Variants in ATP6V1H observed in about 807,000 individuals in gnomAD.
ATP6V1H encodes the protein V-type proton ATPase subunit H.
ATP6V1H carries 39 observed loss-of-function variants against 71.7 expected under a neutral mutation model. The ratio of observed to expected loss-of-function variants is 0.54; its 90% CI spans 0.42 to 0.71. ATP6V1H has a LOEUF of 0.71. Among genes scored for constraint, ATP6V1H ranks in the 30% least tolerant of loss-of-function variants. The pLI is 0.00. For synonymous variants in ATP6V1H, 192 were observed against 199.3 expected (o/e 0.96, Z 0.31); for missense variants, 509 against 594.9 (o/e 0.86, Z 1.50).
chr8:53,780,076 T>C (rs1455222288), intron 9 of ATP6V1H, among the ~76,000 whole-genome samples: 5 of 151,590 alleles, frequency 3.3e-5, no homozygotes, highest in African/African-American at 1.2e-4. Flanking sequence ...GGAGAATCAC[T>C]TGAACACAGG....
At chr8:53,807,031 C>G (rs540679144) in intron 7 of ATP6V1H, among the ~76,000 whole-genome samples, 1 of 152,306 alleles carries the variant, frequency 6.6e-6, no homozygotes, top group South Asian at 2.1e-4. Context: ...CTTCACAACT[C>G]ACCAGCTACA....
At chr8:53,740,966 TGAAG>T (rs769907281) in intron 13 of ATP6V1H, among the ~76,000 whole-genome samples, 15 of 152,260 alleles carry the variant, frequency 9.9e-5, no homozygotes, top group Middle Eastern at 6.8e-3. Context: ...AATTTCTCTA[TGAAG>T]GAAGTGTGGG....
In ATP6V1H at chr8:53,765,451, AACAACACACAC is replaced by A. The variant is rs1479452497; in HGVS notation, c.1175+4156_1175+4166del. Among the ~76,000 whole-genome samples the A allele has an allele frequency of 8.6e-3, 803 of 93,118 alleles. 33 individuals are homozygous for A. The highest frequency in any genetic ancestry group is 0.016 in the South Asian group (35 of 2,150). 61.1% of individuals were successfully genotyped at this position (93,118 alleles called of 152,430 possible). A position where few individuals can be genotyped will look rare whatever the true frequency, so the allele number is the denominator to read the frequency against. On this transcript the variant is annotated intron_variant, in intron 11 of 13. Transcript: ENST00000359530. The stretch of plus-strand genomic sequence containing the variant: ...GGGGAGGGTGGTGGACAACAACAAC[AACAACACACAC>A]ACACACACACACACACACACACACA...
chr8:53,737,636 G>A (rs1036449865), intron 13 of ATP6V1H, among the ~76,000 whole-genome samples: 2 of 152,182 alleles, frequency 1.3e-5, no homozygotes, highest in Admixed American at 6.5e-5. Flanking sequence ...TGGTCTTTTA[G>A]GAAAACCTCT....
intron 11 of ATP6V1H, among the ~76,000 whole-genome samples, chr8:53,758,847 C>T (rs1309740562): frequency 2.0e-5 from 3 of 152,224 alleles, no homozygotes; most frequent in African/African-American, 7.2e-5. Context: ...CCATAGCTGG[C>T]ACTGCAATGG....
intron 11 of ATP6V1H, among the ~76,000 whole-genome samples, chr8:53,762,790 T>C (rs1426591394): frequency 2.0e-5 from 3 of 152,280 alleles, no homozygotes; most frequent in Admixed American, 6.5e-5. Flanking sequence ...CAGTTGACCA[T>C]TGAACAGCAC....
intron 10 of ATP6V1H, among the ~76,000 whole-genome samples, chr8:53,771,695 A>T (rs1808661995): frequency 6.6e-6 from 1 of 152,152 alleles, no homozygotes. Context: ...GCTTAAAAAG[A>T]CTCTAAGAGA....
At chr8:53,742,190 C>G (rs578083133) in intron 13 of ATP6V1H, among the ~76,000 whole-genome samples, 296 of 152,278 alleles carry the variant, frequency 1.9e-3, no homozygotes, top group African/African-American at 7.1e-3. Flanking sequence ...CCTTGACCAT[C>G]CTTCATATCA....
Position 53,740,420 on chromosome 8 carries a change from G to A in ATP6V1H, c.1391+3157C>T, listed in dbSNP as rs191055240. ...AGAAAAACCCAGGGATGCAGGCAAA[G>A]TGCCGCTGCTGCTGCCTGTCACGCA... On this transcript the variant is annotated intron_variant, in intron 13 of 13. Transcript: ENST00000359530. 1.6e-4 allele frequency among the ~76,000 whole-genome samples: 24 copies of A among 152,338 alleles called. No individual in the cohort carries two copies. In the East Asian group the frequency reaches 4.2e-3, roughly 27 times the overall value.
chr8:53,755,685 C>CATATATATATAT (rs869109436), intron 12 of ATP6V1H, among the ~76,000 whole-genome samples: 1 of 24,256 alleles, frequency 4.1e-5, no homozygotes, highest in Non-Finnish European at 6.9e-5. Flanking sequence ...TACCAGCGTA[C>CATATATATATAT]ATATATATAT....
At chr8:53,739,320 A>G (rs1473247248) in intron 13 of ATP6V1H, among the ~76,000 whole-genome samples, 3 of 152,144 alleles carry the variant, frequency 2.0e-5, no homozygotes, top group Non-Finnish European at 4.4e-5. Context: ...TAATCACTGT[A>G]TTTATGGCTC....
intron 13 of ATP6V1H, among the ~76,000 whole-genome samples, chr8:53,725,302 ACCG>A (rs1806774873): frequency 6.6e-6 from 1 of 152,148 alleles, no homozygotes; most frequent in Admixed American, 6.5e-5. Context: ...CGCCTGTGCC[ACCG>A]TGGGACTCTA....
At chr8:53,773,257 T>C (rs1808740620) in intron 9 of ATP6V1H, among the ~76,000 whole-genome samples, 1 of 152,196 alleles carries the variant, frequency 6.6e-6, no homozygotes, top group Non-Finnish European at 1.5e-5. Context: ...TTATTATGAA[T>C]AGATAATGAA....
rs539191448 is a variant in ATP6V1H, at chr8:53,827,595, G to T, written c.306+1849C>A. ...ACTCCAGGTAAAAGACTTGTTTTTT[G>T]TGTGTATGTGTTTTTTTCAACTCGT... On this transcript the variant is annotated intron_variant, in intron 4 of 13. Coordinates refer to ENST00000359530, the MANE Select transcript of ATP6V1H (RefSeq NM_015941.4). 9.2e-5 allele frequency among the ~76,000 whole-genome samples: 14 copies of T among 152,074 alleles called. No individual in the cohort carries two copies. The East Asian group carries it at 2.3e-3, about 25-fold the overall frequency.
intron 2 of ATP6V1H, among the ~76,000 whole-genome samples, chr8:53,833,379 T>C (rs941323841): frequency 6.6e-6 from 1 of 152,194 alleles, no homozygotes; most frequent in Non-Finnish European, 1.5e-5. Context: ...TAGTAGCATG[T>C]GGCAAATGGT....
At chr8:53,756,723 G>T in intron 11 of ATP6V1H, 67 bp from the exon 12 acceptor site, 2 of 941,492 alleles carry the variant, frequency 2.1e-6, no homozygotes, top group Non-Finnish European at 3.3e-6. Context: ...CAGAGCACAG[G>T]TATAATGAAG....
intron 13 of ATP6V1H, among the ~76,000 whole-genome samples, chr8:53,719,196 A>T (rs1806532702): frequency 6.6e-6 from 1 of 151,996 alleles, no homozygotes; most frequent in South Asian, 2.1e-4. Flanking sequence ...TTAGAGACTG[A>T]GTCTCACTTT....
chr8:53,842,028 G>C (rs965549515), intron 1 of ATP6V1H, among the ~76,000 whole-genome samples: 5 of 152,064 alleles, frequency 3.3e-5, no homozygotes, highest in Middle Eastern at 3.4e-3. Context: ...AAATAGAATA[G>C]GTATAAATAT....
intron 9 of ATP6V1H, among the ~76,000 whole-genome samples, chr8:53,782,343 G>T (rs941886913): frequency 6.6e-6 from 1 of 151,892 alleles, no homozygotes; most frequent in Non-Finnish European, 1.5e-5. Context: ...CTCTCTGTTT[G>T]TCTGTTACTG....
Sources: gnomAD v4.1 joint callset for allele counts (sites outside exome capture counted in the v4.1 genomes callset) on GRCh38, gnomAD v4.1.1 for gene constraint, MANE v1.5 for transcripts, NCBI Gene and HGNC (gene_info 2026-07-23, HGNC 2026-07-21) for gene names.